The following TRAPPC9 variants were observed in gnomAD, a reference collection of about 807,000 sequenced individuals.
The protein encoded by TRAPPC9 is trafficking protein particle complex subunit 9, also known as IKK2 binding protein.
Under a neutral mutation model 124.0 loss-of-function variants are expected in TRAPPC9, and 83 were observed. The observed-to-expected ratio is 0.67, with a 90% CI of 0.56 to 0.80. The LOEUF (loss-of-function observed/expected upper bound fraction) is 0.80. TRAPPC9 is among the 30% of genes least tolerant of loss of function. The pLI is 0.00. For synonymous variants in TRAPPC9, 638 were observed against 617.5 expected (o/e 1.03, Z -0.49); for missense variants, 1,302 against 1,508.3 (o/e 0.86, Z 2.27).
intron 21 of TRAPPC9, among the ~76,000 whole-genome samples, chr8:139,763,643 C>T (rs1820385219): frequency 6.6e-6 from 1 of 152,244 alleles, no homozygotes; most frequent in African/African-American, 2.4e-5. Flanking sequence ...CACACATGTG[C>T]ACACAGGCAC....
chr8:139,826,165 G>A (rs1223748181), intron 21 of TRAPPC9, among the ~76,000 whole-genome samples: 1 of 152,252 alleles, frequency 6.6e-6, no homozygotes, highest in Admixed American at 6.5e-5. Context: ...CAGAGGGGCA[G>A]GCTGTGAGAG....
rs1187039681 is a variant in TRAPPC9 at position 140,405,598 on chromosome 8, C to T, written c.987G>A (p.Glu329=). The change falls in exon 6 of 23, where the codon GAG becomes GAA. Residue 329 remains glutamate, a synonymous_variant. Coordinates refer to ENST00000438773, the MANE Select transcript of TRAPPC9 (RefSeq NM_001160372.4). ...TCACCTTGCTGTAATAGGAAATCGCCTCTTTATACTTGTCAATTATGTCTT... is the reference window on the plus strand; with the variant it reads ...TCACCTTGCTGTAATAGGAAATCGCTTCTTTATACTTGTCAATTATGTCTT... ...SPEDIIDKYK[E]AISYYSKYKN... 2 of 1,614,098 alleles carry T rather than the reference C, an allele frequency of 1.2e-6. No individual in the cohort carries two copies. The highest frequency in any genetic ancestry group is 1.7e-6 in the Non-Finnish European group (2 of 1,179,992).
At chr8:140,191,738 AG>A (rs1334075596) in intron 17 of TRAPPC9, among the ~76,000 whole-genome samples, 1 of 152,186 alleles carries the variant, frequency 6.6e-6, no homozygotes, top group Admixed American at 6.5e-5. Context: ...TCACAATGCA[AG>A]AACAACCTAA....
At chr8:139,872,426 GGGCT>G (rs1475204726) in intron 21 of TRAPPC9, among the ~76,000 whole-genome samples, 19 of 143,020 alleles carry the variant, frequency 1.3e-4, no homozygotes, top group African/African-American at 4.6e-4. Flanking sequence ...ATGGATGGAT[GGGCT>G]GGTGGATGGG....
At chr8:139,904,450 T>C (rs1421995326) in intron 20 of TRAPPC9, 1 of 152,264 alleles carries the variant, frequency 6.6e-6, no homozygotes, top group Non-Finnish European at 1.5e-5. Context: ...GGTAGCAGCG[T>C]GGCATGAGGT....
intron 16 of TRAPPC9, among the ~76,000 whole-genome samples, chr8:140,230,711 T>C (rs886990213): frequency 6.6e-6 from 1 of 150,758 alleles, no homozygotes; most frequent in Admixed American, 6.6e-5. Context: ...GAGGTGGAGG[T>C]TGCAGTGAGC....
intron 21 of TRAPPC9, among the ~76,000 whole-genome samples, chr8:139,796,112 G>GA (rs1404203719): frequency 6.7e-6 from 1 of 149,116 alleles, no homozygotes. Flanking sequence ...GGAGGAAGAG[G>GA]AGGAGGGAGG....
At chr8:140,335,848 A>C (rs1283102980) in intron 9 of TRAPPC9, among the ~76,000 whole-genome samples, 2 of 151,694 alleles carry the variant, frequency 1.3e-5, no homozygotes, top group Non-Finnish European at 2.9e-5. Context: ...CTGGGATTAC[A>C]GGCTCCCGCC....
At chr8:140,101,882 T>A (rs546944073) in intron 17 of TRAPPC9, among the ~76,000 whole-genome samples, 1 of 152,150 alleles carries the variant, frequency 6.6e-6, no homozygotes, top group African/African-American at 2.4e-5. Flanking sequence ...TTTTTTTTCT[T>A]TTTGGTAAAT....
intron 21 of TRAPPC9, among the ~76,000 whole-genome samples, chr8:139,883,810 AGT>A (rs962281412): frequency 2.6e-5 from 4 of 152,216 alleles, no homozygotes; most frequent in Non-Finnish European, 5.9e-5. Flanking sequence ...CCTGTAACGC[AGT>A]GCTCCCGGCT....
chr8:140,122,571 TC>T (rs1282039465), intron 17 of TRAPPC9, among the ~76,000 whole-genome samples: 1 of 152,246 alleles, frequency 6.6e-6, no homozygotes, highest in Non-Finnish European at 1.5e-5. Flanking sequence ...GCCTTAGTTT[TC>T]CCTTTCTAAG....
At chr8:139,921,966 C>T (rs1177002063) in intron 19 of TRAPPC9, among the ~76,000 whole-genome samples, 1 of 151,976 alleles carries the variant, frequency 6.6e-6, no homozygotes, top group Non-Finnish European at 1.5e-5. Context: ...TGCACACCTG[C>T]CCCTCCCTGC....
At chr8:140,057,477 C>T (rs77260675) in intron 17 of TRAPPC9, among the ~76,000 whole-genome samples, 1,563 of 152,244 alleles carry the variant, frequency 0.01, 25 homozygotes, top group African/African-American at 0.036. Flanking sequence ...AAAATGTGGT[C>T]GATAAATACA....
chr8:140,006,151 G>A (rs1838732766), intron 18 of TRAPPC9, among the ~76,000 whole-genome samples: 1 of 152,142 alleles, frequency 6.6e-6, no homozygotes, highest in Admixed American at 6.5e-5. Flanking sequence ...AGTGGCAGAT[G>A]GGAACGTGGT....
intron 17 of TRAPPC9, among the ~76,000 whole-genome samples, chr8:140,193,622 G>GAAAAAAAA (rs72383095): frequency 6.5e-5 from 5 of 77,314 alleles, no homozygotes; most frequent in African/African-American, 2.6e-4. Context: ...TGTACTTTCA[G>GAAAAAAAA]AAAAAAAAAA....
intron 21 of TRAPPC9, among the ~76,000 whole-genome samples, chr8:139,839,723 C>T (rs1330783701): frequency 3.3e-5 from 5 of 152,202 alleles, no homozygotes; most frequent in African/African-American, 1.2e-4. Context: ...ATGCCGCTGC[C>T]TCCAGCTCTG....
intron 11 of TRAPPC9, among the ~76,000 whole-genome samples, chr8:140,295,773 G>A (rs2065786443): frequency 6.6e-6 from 1 of 152,144 alleles, no homozygotes; most frequent in Non-Finnish European, 1.5e-5. Flanking sequence ...AGAGAGACTG[G>A]AAATTTAGGT....
chr8:140,383,077 C>T (rs1214070473), intron 7 of TRAPPC9, among the ~76,000 whole-genome samples: 2 of 152,210 alleles, frequency 1.3e-5, no homozygotes, highest in Non-Finnish European at 2.9e-5. Flanking sequence ...CTCCAGCAAA[C>T]TCCAACAGAC....
At chr8:140,196,815 C>T (rs2062682566) in intron 17 of TRAPPC9, among the ~76,000 whole-genome samples, 1 of 152,176 alleles carries the variant, frequency 6.6e-6, no homozygotes, top group South Asian at 2.1e-4. Context: ...CAACTATCCA[C>T]TGTACAGATC....
Sources: gnomAD v4.1 joint callset for allele counts (sites outside exome capture counted in the v4.1 genomes callset) on GRCh38, gnomAD v4.1.1 for gene constraint, MANE v1.5 for transcripts, NCBI Gene and HGNC (gene_info 2026-07-23, HGNC 2026-07-21) for gene names.